Variants in SLC22A4 observed in about 807,000 individuals in gnomAD.
SLC22A4 encodes the protein solute carrier family 22 member 4.
SLC22A4 carries 39 observed loss-of-function variants against 56.6 expected under a neutral mutation model. The ratio of observed to expected loss-of-function variants is 0.69; its 90% CI spans 0.53 to 0.90. The LOEUF is 0.90. Among genes scored for constraint, SLC22A4 ranks in the 40% least tolerant of loss-of-function variants. SLC22A4 has a pLI of 0.00. For synonymous variants in SLC22A4, 241 were observed against 281.4 expected (o/e 0.86, Z 1.44); for missense variants, 594 against 696.5 (o/e 0.85, Z 1.66).
chr5:132,327,819 C>T (rs1469648012), intron 5 of SLC22A4, among the ~76,000 whole-genome samples: 1 of 152,176 alleles, frequency 6.6e-6, no homozygotes, highest in African/African-American at 2.4e-5. Context: ...GCTGAGGAAG[C>T]TATGCATGTC....
intron 1 of SLC22A4, among the ~76,000 whole-genome samples, chr5:132,301,947 T>C (rs1034043233): frequency 1.3e-5 from 2 of 152,228 alleles, no homozygotes; most frequent in African/African-American, 2.4e-5. Context: ...CTCTGGCAGA[T>C]TCCAAAGGGG....
At chr5:132,296,273 C>T (rs1404965075) in intron 1 of SLC22A4, among the ~76,000 whole-genome samples, 1 of 152,190 alleles carries the variant, frequency 6.6e-6, no homozygotes, top group African/African-American at 2.4e-5. Flanking sequence ...GTGGCTGGAA[C>T]TCAAGGGATG....
chr5:132,328,733 G>A (rs1222656361), intron 5 of SLC22A4, among the ~76,000 whole-genome samples: 2 of 151,772 alleles, frequency 1.3e-5, no homozygotes, highest in African/African-American at 4.8e-5. Flanking sequence ...CTATGTGGAT[G>A]ACAGCAATCA....
At chr5:132,310,458 C>T (rs1750151756) in intron 1 of SLC22A4, among the ~76,000 whole-genome samples, 5 of 152,250 alleles carry the variant, frequency 3.3e-5, no homozygotes, top group Admixed American at 3.3e-4. Flanking sequence ...ACACATTAAT[C>T]TGGCCATACA....
intron 3 of SLC22A4, chr5:132,321,067 A>G (rs11739484): frequency 0.014 from 2,103 of 152,400 alleles, 23 homozygotes; most frequent in Middle Eastern, 0.03. Flanking sequence ...GCAGAGGCCA[A>G]TAGTCGCCTG....
intron 9 of SLC22A4, among the ~76,000 whole-genome samples, chr5:132,341,852 C>A (rs755111257): frequency 6.6e-6 from 1 of 152,030 alleles, no homozygotes; most frequent in Non-Finnish European, 1.5e-5. Flanking sequence ...GAGGCTGAGG[C>A]AGGAGAATCG....
intron 2 of SLC22A4, 64 bp from the exon 3 acceptor site, chr5:132,313,550 A>G: frequency 6.8e-7 from 1 of 1,472,600 alleles, no homozygotes; most frequent in Non-Finnish European, 9.5e-7. Flanking sequence ...TGCCTGACTC[A>G]GGGCTTGCAA....
intron 6 of SLC22A4, among the ~76,000 whole-genome samples, chr5:132,332,664 G>T (rs1750898588): frequency 6.6e-6 from 1 of 151,148 alleles, no homozygotes; most frequent in South Asian, 2.1e-4. Context: ...TGGCTTTATA[G>T]ATTAGATTTA....
rs549800815 is a variant in SLC22A4, at chr5:132,327,988, T to C, written c.951+585T>C. The stretch of plus-strand genomic sequence containing the variant: ...TGAGGATATGCAGTGTGCCATGCCC[T>C]GTGCTGGCTCCTAGAGGAAATAAGA... On this transcript the variant is annotated intron_variant, in intron 5 of 9. Transcript: ENST00000200652. Among the ~76,000 whole-genome samples, 321 of 152,340 alleles carry C rather than the reference T, an allele frequency of 2.1e-3. 1 individual carries two copies. Among genetic ancestry groups the C allele is most frequent in the Non-Finnish European group, 3.5e-3 (235 of 68,026 alleles).
Position 132,335,982 on chromosome 5 carries a change from C to T in SLC22A4, c.1426C>T (p.Pro476Ser), listed in dbSNP as rs1751016171. The T allele has an allele frequency of 6.2e-7, 1 of 1,614,078 alleles. No individual in the cohort carries two copies. The highest frequency in any genetic ancestry group is 8.5e-7 in the Non-Finnish European group (1 of 1,179,954). The change falls in exon 8 of 10, where the codon CCC (proline) becomes TCC (serine). Residue 476 changes from proline (P) to serine (S), a missense_variant. Pro to Ser is a moderately conservative substitution (Grantham distance 74, BLOSUM62 -1). Coordinates refer to ENST00000200652, the MANE Select transcript of SLC22A4 (RefSeq NM_003059.3). The stretch of plus-strand genomic sequence containing the variant: ...CTCCAGAGTGGGCAGCATCATTGCC[C>T]CCTACTTTGTTTACCTCGGTGAGCT... ...TASRVGSIIA[P>S]YFVYLGAYNR...
At position 132,294,796 on chromosome 5, in the gene SLC22A4, C is replaced by CG. The variant is rs1561531483; in HGVS notation, c.181dup (p.Ala61GlyfsTer77). ...TGCCGGACGCCGCGAACCTGAGCAG[C>CG]GCCTGGCGCAACAACAGTGTCCCGC... On this transcript the variant is annotated frameshift_variant, in exon 1 of 10. Coordinates refer to ENST00000200652, the MANE Select transcript of SLC22A4 (RefSeq NM_003059.3). LOFTEE classifies it high-confidence loss of function. The surrounding 1 kb of genome is among the most constrained non-coding windows in gnomAD (Gnocchi z 5.6). 1 of 1,613,070 alleles carries CG rather than the reference C, an allele frequency of 6.2e-7. No homozygotes were observed.
At chr5:132,303,145 T>C (rs1156570889) in intron 1 of SLC22A4, among the ~76,000 whole-genome samples, 1 of 152,196 alleles carries the variant, frequency 6.6e-6, no homozygotes, top group Non-Finnish European at 1.5e-5. Flanking sequence ...ATGGATAAAA[T>C]CATTTGCCCA....
intron 1 of SLC22A4, chr5:132,311,524 T>C (rs987741645): frequency 7.7e-5 from 12 of 155,474 alleles, no homozygotes; most frequent in African/African-American, 2.7e-4. Flanking sequence ...TGTAGGGATG[T>C]AGGAGGGGAG....
At chr5:132,340,051 T>A (rs975195634) in intron 8 of SLC22A4, among the ~76,000 whole-genome samples, 1 of 147,198 alleles carries the variant, frequency 6.8e-6, no homozygotes, top group Admixed American at 7.0e-5. Flanking sequence ...GAAGTGAACA[T>A]AATACTTAGT....
At chr5:132,306,547 G>A (rs1750045276) in intron 1 of SLC22A4, among the ~76,000 whole-genome samples, 1 of 149,430 alleles carries the variant, frequency 6.7e-6, no homozygotes, top group Non-Finnish European at 1.5e-5. Flanking sequence ...CCAGGCTCAA[G>A]CAACTCTCCT....
intron 3 of SLC22A4, among the ~76,000 whole-genome samples, chr5:132,314,692 C>T (rs897773344): frequency 1.3e-5 from 2 of 152,202 alleles, no homozygotes; most frequent in African/African-American, 4.8e-5. Context: ...GGTTAGGTGA[C>T]TCTGATTGCT....
intron 3 of SLC22A4, 70 bp downstream of exon 3, chr5:132,313,838 T>C (rs371771152): frequency 4.3e-5 from 62 of 1,453,708 alleles, no homozygotes; most frequent in Middle Eastern, 2.0e-4. Flanking sequence ...GAGGAAATCA[T>C]TGGGCCATTG....
intron 8 of SLC22A4, among the ~76,000 whole-genome samples, chr5:132,338,195 G>A (rs1751084124): frequency 5.3e-5 from 8 of 152,156 alleles, no homozygotes; most frequent in Admixed American, 5.2e-4. Context: ...AGGTGTCCGG[G>A]GGAGACATCA....
intron 1 of SLC22A4, among the ~76,000 whole-genome samples, chr5:132,300,454 T>C (rs1021028849): frequency 6.6e-6 from 1 of 152,232 alleles, no homozygotes; most frequent in African/African-American, 2.4e-5. Context: ...GTTTGCCTAG[T>C]GATGATTTTG....
Sources: gnomAD v4.1 joint callset for allele counts (sites outside exome capture counted in the v4.1 genomes callset) on GRCh38, gnomAD v4.1.1 for gene constraint, Gnocchi (gnomAD v3.1) non-coding constraint, MANE v1.5 for transcripts, NCBI Gene and HGNC (gene_info 2026-07-23, HGNC 2026-07-21) for gene names.